SUZ12: variants seen among roughly 807,000 people sequenced by gnomAD.
SUZ12 encodes polycomb protein SUZ12.
A neutral mutation model predicts 87.3 loss-of-function variants in SUZ12; 17 were observed. The ratio of observed to expected loss-of-function variants is 0.19; its 90% CI spans 0.13 to 0.29. The LOEUF is 0.29. SUZ12 is among the 10% of genes least tolerant of loss of function. The pLI is 1.00. For missense variants in SUZ12, 526 were observed against 912.2 expected (o/e 0.58, Z 5.45); for synonymous variants, 253 against 312.4 (o/e 0.81, Z 2.01).
chr17:31,937,234 G>C lies in SUZ12; in HGVS notation c.-13G>C, dbSNP rs1905984634. 2 of 1,401,840 alleles carry C rather than the reference G, an allele frequency of 1.4e-6. No individual in the cohort carries two copies. The highest frequency in any genetic ancestry group is 1.8e-6 in the Non-Finnish European group (2 of 1,089,216). 86.8% of individuals were successfully genotyped at this position (1,401,840 alleles called of 1,614,324 possible). ...CGGCGGGTAGCTGGCGGGGGGAGGA[G>C]GCAGGAACCGCGATGGCGCCTCAGA... On this transcript the variant is annotated 5_prime_UTR_variant, in exon 1 of 16. Transcript: ENST00000322652.
chr17:31,962,554 G>A (rs1422847148), intron 4 of SUZ12, among the ~76,000 whole-genome samples: 1 of 151,690 alleles, frequency 6.6e-6, no homozygotes, highest in Non-Finnish European at 1.5e-5. Flanking sequence ...TTGTGCCACT[G>A]TATACCAGTC....
intron 9 of SUZ12, among the ~76,000 whole-genome samples, 170 bp downstream of exon 9, chr17:31,983,274 C>CTTTTTTTTTT (rs10681815): frequency 7.6e-5 from 9 of 118,194 alleles, no homozygotes; most frequent in African/African-American, 2.7e-4. Flanking sequence ...AGGTATCATT[C>CTTTTTTTTTT]TTTTTTTTTT....
intron 3 of SUZ12, among the ~76,000 whole-genome samples, chr17:31,944,099 C>T (rs1178670483): frequency 1.3e-5 from 2 of 152,068 alleles, no homozygotes; most frequent in Non-Finnish European, 2.9e-5. Context: ...AGTTTGCATT[C>T]ATAGATTAAA....
intron 13 of SUZ12, 46 bp from the exon 14 acceptor site, chr17:31,995,518 G>GTA: frequency 6.7e-7 from 1 of 1,497,504 alleles, no homozygotes; most frequent in South Asian, 1.1e-5. Flanking sequence ...AGGTTAGATG[G>GTA]TATACATGTA....
At chr17:31,991,269 T>C (rs1371349261) in intron 10 of SUZ12, among the ~76,000 whole-genome samples, 2 of 152,026 alleles carry the variant, frequency 1.3e-5, no homozygotes, top group South Asian at 2.1e-4. Flanking sequence ...TCCAGCACTT[T>C]GGGAGACCAG....
At chr17:31,994,050 C>T in intron 12 of SUZ12, 42 bp downstream of exon 12, 1 of 1,581,926 alleles carries the variant, frequency 6.3e-7, no homozygotes, top group Non-Finnish European at 8.6e-7. Flanking sequence ...GTTAAGAAAT[C>T]TCTTGTACCC....
In SUZ12 at chr17:31,970,859, T is replaced by C. The variant is rs10221255; in HGVS notation, c.506-2287T>C. On this transcript the variant is annotated intron_variant, in intron 5 of 15. Coordinates refer to ENST00000322652, the MANE Select transcript of SUZ12 (RefSeq NM_015355.4). ...CCCAGTGCCTTAGAACAAAAAATTT[T>C]TTTTGTGTGTTCATGGATTCATCTA... Among the ~76,000 whole-genome samples, 792 of 152,268 alleles carry C rather than the reference T, an allele frequency of 5.2e-3. 6 individuals are homozygous for C. Among genetic ancestry groups the C allele is most frequent in the African/African-American group, 0.018 (734 of 41,558 alleles).
At position 31,940,222 on chromosome 17, in the gene SUZ12, T is replaced by A. The variant is rs1485310706; in HGVS notation, c.275-64T>A. ...AGTTTATATTGATTATAACATGGTC[T>A]CGGTTGATATTTTTCTGACAAGTAA... On this transcript the variant is annotated intron_variant, in intron 1 of 15. Coordinates refer to ENST00000322652, the MANE Select transcript of SUZ12 (RefSeq NM_015355.4). 2.5e-6 allele frequency: 4 copies of A among 1,569,224 alleles called. No homozygotes were observed. In the African/African-American group the frequency reaches 5.5e-5, roughly 22 times the overall value.
intron 6 of SUZ12, among the ~76,000 whole-genome samples, chr17:31,975,150 TA>T (rs1263585615): frequency 6.6e-6 from 1 of 152,204 alleles, no homozygotes; most frequent in Non-Finnish European, 1.5e-5. Context: ...TTGTTGTTGC[TA>T]AAAAGCCTTA....
chr17:31,998,791 A>G lies in SUZ12; in HGVS notation c.2008A>G (p.Ser670Gly). Reference protein sequence around the residue: ...LVSMHDFNLISIMSIDKAVTK... With the variant: ...LVSMHDFNLIGIMSIDKAVTK... ...CAGCATGCATGACTTTAATCTTATTAGCATAATGTCAATAGATAAAGCTGT... is the reference window on the plus strand; with the variant it reads ...CAGCATGCATGACTTTAATCTTATTGGCATAATGTCAATAGATAAAGCTGT... Residue 670 changes from serine to glycine, a missense_variant, in exon 16 of 16, where the codon AGC becomes GGC. By Grantham distance (56) the Ser-to-Gly change is moderately conservative. Coordinates refer to ENST00000322652, the MANE Select transcript of SUZ12 (RefSeq NM_015355.4). 6.2e-7 allele frequency: 1 copy of G among 1,613,164 alleles called. No homozygotes were observed. Among genetic ancestry groups the G allele is most frequent in the Non-Finnish European group, 8.5e-7 (1 of 1,179,482 alleles).
At chr17:31,986,900 G>T (rs1432329950) in intron 9 of SUZ12, among the ~76,000 whole-genome samples, 1 of 152,114 alleles carries the variant, frequency 6.6e-6, no homozygotes, top group African/African-American at 2.4e-5. Flanking sequence ...TGATATAGAA[G>T]GAGTTTAGGC....
intron 5 of SUZ12, among the ~76,000 whole-genome samples, chr17:31,968,039 G>A (rs1908200866): frequency 6.6e-6 from 1 of 152,104 alleles, no homozygotes; most frequent in African/African-American, 2.4e-5. Flanking sequence ...TGTAGTCCCA[G>A]CTATTCTGTA....
intron 14 of SUZ12, among the ~76,000 whole-genome samples, chr17:31,996,287 C>G (rs1170500703): frequency 1.3e-5 from 2 of 152,112 alleles, no homozygotes; most frequent in Non-Finnish European, 2.9e-5. Flanking sequence ...GTTTTCATTT[C>G]TATATTTATA....
intron 9 of SUZ12, among the ~76,000 whole-genome samples, chr17:31,986,895 T>C (rs1909450038): frequency 6.6e-6 from 1 of 152,178 alleles, no homozygotes; most frequent in Non-Finnish European, 1.5e-5. Flanking sequence ...AATAATGATA[T>C]AGAAGGAGTT....
chr17:31,954,586 G>T (rs1225840262), intron 4 of SUZ12, among the ~76,000 whole-genome samples: 1 of 150,900 alleles, frequency 6.6e-6, no homozygotes, highest in African/African-American at 2.5e-5. Context: ...CTTAGTGTTA[G>T]GGGAGAAAGA....
chr17:31,997,421 G>T (rs533891340), intron 15 of SUZ12, among the ~76,000 whole-genome samples: 1 of 152,124 alleles, frequency 6.6e-6, no homozygotes, highest in Non-Finnish European at 1.5e-5. Context: ...CCAGTACTTT[G>T]GGAGGCCAAG....
chr17:31,957,895 CTTTTTTT>C (rs1181314058), intron 4 of SUZ12, among the ~76,000 whole-genome samples: 1,471 of 91,284 alleles, frequency 0.016, 27 homozygotes, highest in Non-Finnish European at 0.026. Context: ...ACCTTTTGTC[CTTTTTTT>C]TTTTTTTTTT....
intron 4 of SUZ12, among the ~76,000 whole-genome samples, chr17:31,957,630 C>T (rs1005213112): frequency 6.6e-6 from 1 of 151,726 alleles, no homozygotes; most frequent in African/African-American, 2.4e-5. Context: ...AGACTGGTCT[C>T]GAATTCCTGA....
At chr17:31,943,941 C>A (rs1906461469) in intron 3 of SUZ12, among the ~76,000 whole-genome samples, 1 of 151,960 alleles carries the variant, frequency 6.6e-6, no homozygotes, top group African/African-American at 2.4e-5. Flanking sequence ...CATGATCCGC[C>A]TGCCTTGGCC....
Sources: gnomAD v4.1 joint callset for allele counts (sites outside exome capture counted in the v4.1 genomes callset) on GRCh38, gnomAD v4.1.1 for gene constraint, MANE v1.5 for transcripts, NCBI Gene and HGNC (gene_info 2026-07-23, HGNC 2026-07-21) for gene names.